The following HMOX2 variants were observed in gnomAD, a reference collection of about 807,000 sequenced individuals.
HMOX2 encodes heme oxygenase (decycling) 2.
HMOX2 carries 30 observed loss-of-function variants against 33.7 expected under a neutral mutation model. The observed-to-expected ratio is 0.89, with a 90% CI of 0.67 to 1.21. The LOEUF (loss-of-function observed/expected upper bound fraction) is 1.21. HMOX2 is among the 50% of genes most tolerant of loss of function. The probability of loss-of-function intolerance (pLI) is 0.00; values close to 1 mark genes in which losing one functional copy is unlikely to be tolerated. For missense variants in HMOX2, 403 were observed against 399.1 expected, an observed-to-expected ratio of 1.01 and a Z score of -0.08; for synonymous variants, 155 against 155.0, an observed-to-expected ratio of 1.00 and a Z score of 0.00.
rs370199793 is a variant in HMOX2 at position 4,507,752 on chromosome 16, G to A, written c.244G>A (p.Glu82Lys). 6 of 1,614,006 alleles carry A rather than the reference G, an allele frequency of 3.7e-6. No individual in the cohort carries two copies. The highest frequency in any genetic ancestry group is 1.7e-5 in the Admixed American group (1 of 59,994). ...ACTTTACTTCACATACTCAGCCCTC[G>A]AGGAGGAAATGGAGCGCAACAAGGA... ...TALYFTYSALEEEMERNKDHP... is the reference protein window; with the variant it reads ...TALYFTYSALKEEMERNKDHP... Residue 82 changes from glutamate (E) to lysine (K), a missense_variant, in exon 4 of 6, where the codon GAG becomes AAG. Physicochemically the swap from Glu to Lys is moderately conservative, Grantham distance 56. Coordinates refer to ENST00000570646, the MANE Select transcript of HMOX2 (RefSeq NM_002134.4).
rs558242573 is a variant in HMOX2, at chr16:4,489,011, A to T, written c.-42+12524A>T. ...CAGCTAATTTTTGTAGTTTTTTTGT[A>T]GAGACAGGGTTTTTGCCTTGTTGCC... On this transcript the variant is annotated intron_variant, in intron 1 of 5. Coordinates refer to ENST00000570646, the MANE Select transcript of HMOX2 (RefSeq NM_002134.4). 2.1e-4 allele frequency among the ~76,000 whole-genome samples: 32 copies of T among 151,932 alleles called. No homozygotes were observed. The South Asian group carries it at 6.3e-3, about 30-fold the overall frequency.
intron 1 of HMOX2, among the ~76,000 whole-genome samples, chr16:4,503,919 T>G (rs2058622211): frequency 6.6e-6 from 1 of 152,234 alleles, no homozygotes; most frequent in Non-Finnish European, 1.5e-5. Context: ...TTTGGCCTGA[T>G]TTGGCCCCAG....
intron 1 of HMOX2, among the ~76,000 whole-genome samples, chr16:4,503,282 G>A (rs759657327): frequency 9.9e-5 from 15 of 152,100 alleles, no homozygotes; most frequent in Non-Finnish European, 2.1e-4. Context: ...CCCATTTCTG[G>A]CTTTGTTCAT....
intron 1 of HMOX2, among the ~76,000 whole-genome samples, chr16:4,501,391 G>A (rs1357271658): frequency 2.0e-5 from 3 of 152,168 alleles, no homozygotes; most frequent in Non-Finnish European, 4.4e-5. Flanking sequence ...AACTTGCCCC[G>A]GCTGTGCCAG....
intron 2 of HMOX2, among the ~76,000 whole-genome samples, chr16:4,505,995 A>G (rs990490055): frequency 1.3e-5 from 2 of 152,198 alleles, no homozygotes; most frequent in Non-Finnish European, 2.9e-5. Flanking sequence ...TACTCTGTAT[A>G]GGGACAGCTC....
At chr16:4,487,607 TC>T (rs577434242) in intron 1 of HMOX2, among the ~76,000 whole-genome samples, 124 of 151,982 alleles carry the variant, frequency 8.2e-4, no homozygotes, top group Non-Finnish European at 1.6e-3. Flanking sequence ...ATCGAGACCA[TC>T]CTGTGAATGG....
chr16:4,502,674 G>C (rs1423779284), intron 1 of HMOX2: 2 of 152,106 alleles, frequency 1.3e-5, no homozygotes, highest in Non-Finnish European at 2.9e-5. Context: ...TGGCTCTCAG[G>C]GTCCTCAAGG....
intron 1 of HMOX2, among the ~76,000 whole-genome samples, chr16:4,485,071 T>C (rs2058133399): frequency 6.6e-6 from 1 of 152,032 alleles, no homozygotes; most frequent in Non-Finnish European, 1.5e-5. Flanking sequence ...GTTCAAGCGA[T>C]TCTCTTGCCT....
intron 1 of HMOX2, chr16:4,496,304 A>G (rs1180738892): frequency 6.6e-6 from 1 of 152,072 alleles, no homozygotes; most frequent in African/African-American, 2.4e-5. Context: ...TTCTATTTTT[A>G]GTAGAGTTGG....
chr16:4,498,360 C>T (rs2058475344), intron 1 of HMOX2, among the ~76,000 whole-genome samples: 2 of 151,724 alleles, frequency 1.3e-5, no homozygotes, highest in South Asian at 4.2e-4. Context: ...GCCACCACAC[C>T]CGGCTGGATT....
intron 1 of HMOX2, among the ~76,000 whole-genome samples, chr16:4,479,155 GA>G (rs1400857601): frequency 2.0e-5 from 3 of 151,228 alleles, no homozygotes; most frequent in Non-Finnish European, 3.0e-5. Flanking sequence ...TCATCTCAAA[GA>G]AAAAAAAATT....
chr16:4,477,251 C>G (rs13334050), intron 1 of HMOX2, among the ~76,000 whole-genome samples: 5,175 of 152,150 alleles, frequency 0.034, 301 homozygotes, highest in African/African-American at 0.12. Context: ...GTAATTCCAG[C>G]ACTTTGGGAG....
chr16:4,484,036 G>T (rs927216257), intron 1 of HMOX2, among the ~76,000 whole-genome samples: 12 of 144,160 alleles, frequency 8.3e-5, no homozygotes, highest in African/African-American at 3.1e-4. Flanking sequence ...GTGCAGTGGT[G>T]CGATCTCGGC....
At chr16:4,503,519 C>T (rs112742305) in intron 1 of HMOX2, among the ~76,000 whole-genome samples, 1 of 152,142 alleles carries the variant, frequency 6.6e-6, no homozygotes, top group Non-Finnish European at 1.5e-5. Flanking sequence ...CTGTACATCC[C>T]GATGTTTATT....
intron 1 of HMOX2, among the ~76,000 whole-genome samples, chr16:4,483,965 G>A (rs1455864407): frequency 3.7e-5 from 5 of 134,298 alleles, no homozygotes; most frequent in African/African-American, 1.4e-4. Context: ...CCGTGCATAT[G>A]CCCAAAAATT....
At chr16:4,478,125 G>C (rs997534232) in intron 1 of HMOX2, among the ~76,000 whole-genome samples, 2 of 152,142 alleles carry the variant, frequency 1.3e-5, no homozygotes, top group Non-Finnish European at 2.9e-5. Flanking sequence ...GATGTGAAGA[G>C]GGAAATCCTG....
At chr16:4,504,126 T>C (rs1415227926) in intron 1 of HMOX2, among the ~76,000 whole-genome samples, 3 of 152,202 alleles carry the variant, frequency 2.0e-5, no homozygotes, top group East Asian at 1.9e-4. Context: ...TGGGAATTGA[T>C]TGGCCAACTT....
Position 4,482,119 on chromosome 16 carries a change from A to T in HMOX2, c.-42+5632A>T, listed in dbSNP as rs571976522. Among the ~76,000 whole-genome samples the T allele has an allele frequency of 8.7e-4, 133 of 152,310 alleles. 3 individuals are homozygous for T. In the South Asian group the frequency reaches 0.022, roughly 25 times the overall value. ...TATCCCAGTAATTAGAAAATAACTT[A>T]AAAAACTCCATTCCTCTACCATATA... On this transcript the variant is annotated intron_variant, in intron 1 of 5. Transcript: ENST00000570646.
intron 3 of HMOX2, 99 bp from the exon 4 acceptor site, chr16:4,507,614 G>T: frequency 2.4e-6 from 3 of 1,236,344 alleles, no homozygotes; most frequent in East Asian, 2.4e-5. Flanking sequence ...CCATAGGATT[G>T]GGTCTTTGGG....
Sources: gnomAD v4.1 joint callset for allele counts (sites outside exome capture counted in the v4.1 genomes callset) on GRCh38, gnomAD v4.1.1 for gene constraint, MANE v1.5 for transcripts, NCBI Gene and HGNC (gene_info 2026-07-23, HGNC 2026-07-21) for gene names.